Variants in LRP1B observed in about 807,000 individuals in gnomAD.
LRP1B encodes LDL receptor related protein 1B.
In LRP1B, 217 loss-of-function variants were observed where a neutral mutation model predicts 556.6. That is an observed-to-expected ratio of 0.39 (90% CI 0.35 to 0.44). The LOEUF is 0.44. Among genes scored for constraint, LRP1B ranks in the 20% least tolerant of loss-of-function variants. The pLI, the probability that LRP1B is intolerant of heterozygous loss-of-function variation, is 1.00. For synonymous variants in LRP1B, 2,047 were observed against 1,865.8 expected, an observed-to-expected ratio of 1.10 and a Z score of -2.50; for missense variants, 5,053 against 5,620.8, an observed-to-expected ratio of 0.90 and a Z score of 3.23.
rs367648343 is a variant in LRP1B at position 141,073,749 on chromosome 2, C to T, written c.1014-11476G>A. The stretch of plus-strand genomic sequence containing the variant: ...CTTCCTTCTATCCAATGGTTTATTC[C>T]AGAAACGAAGGCATTCATCCTTCAT... On this transcript the variant is annotated intron_variant, in intron 7 of 90. Coordinates refer to ENST00000389484, the MANE Select transcript of LRP1B (RefSeq NM_018557.3). 1.7e-4 allele frequency among the ~76,000 whole-genome samples: 26 copies of T among 152,110 alleles called. No individual in the cohort carries two copies. The South Asian group carries it at 4.8e-3, about 28-fold the overall frequency.
At chr2:140,313,263 T>C (rs879107917) in intron 83 of LRP1B, among the ~76,000 whole-genome samples, 1 of 152,078 alleles carries the variant, frequency 6.6e-6, no homozygotes, top group Admixed American at 6.6e-5. Context: ...TGAGAACTAA[T>C]TTATATTATT....
rs1361849006 is a variant in LRP1B at position 140,605,685 on chromosome 2, CT to C, written c.6800-4047del. 2.0e-5 allele frequency among the ~76,000 whole-genome samples: 3 copies of C among 151,686 alleles called. No homozygotes were observed. The East Asian group carries it at 5.8e-4, about 29-fold the overall frequency. Reference sequence around the variant, plus strand: ...GTTTCTTTCCTCCCTCCCTCCCTCCCTTTTTTCTTTCTTCCTTTTTTTGAGA... The same window carrying C: ...GTTTCTTTCCTCCCTCCCTCCCTCCCTTTTTCTTTCTTCCTTTTTTTGAGA... On this transcript the variant is annotated intron_variant, in intron 41 of 90. Transcript: ENST00000389484.
chr2:140,304,455 T>G (rs960759180), intron 83 of LRP1B, among the ~76,000 whole-genome samples: 1 of 152,224 alleles, frequency 6.6e-6, no homozygotes, highest in Non-Finnish European at 1.5e-5. Context: ...CATAAATGTC[T>G]TCTTTTGAGA....
chr2:140,332,066 TAATA>T (rs927354415), intron 79 of LRP1B, among the ~76,000 whole-genome samples: 12 of 152,046 alleles, frequency 7.9e-5, no homozygotes, highest in African/African-American at 2.2e-4. Context: ...GTCTCACAGC[TAATA>T]AATAATCCCT....
At chr2:141,094,049 C>T (rs556270879) in intron 7 of LRP1B, among the ~76,000 whole-genome samples, 15 of 151,904 alleles carry the variant, frequency 9.9e-5, no homozygotes, top group East Asian at 1.9e-4. Flanking sequence ...AGTTTCATTA[C>T]GATATATTTC....
At chr2:141,800,099 G>A (rs985886828) in intron 2 of LRP1B, among the ~76,000 whole-genome samples, 1 of 152,072 alleles carries the variant, frequency 6.6e-6, no homozygotes, top group Non-Finnish European at 1.5e-5. Flanking sequence ...CACAGGCCCT[G>A]TCATATAGTA....
At chr2:141,455,961 G>T (rs1262693915) in intron 3 of LRP1B, among the ~76,000 whole-genome samples, 1 of 152,196 alleles carries the variant, frequency 6.6e-6, no homozygotes, top group Non-Finnish European at 1.5e-5. Flanking sequence ...TGTGATAAGT[G>T]AGAAAATCAA....
At chr2:140,489,327 C>T (rs1409408202) in intron 57 of LRP1B, among the ~76,000 whole-genome samples, 3 of 151,926 alleles carry the variant, frequency 2.0e-5, no homozygotes, top group Non-Finnish European at 2.9e-5. Context: ...AGACACAAGG[C>T]AATAATATAG....
intron 1 of LRP1B, among the ~76,000 whole-genome samples, chr2:141,897,002 A>G (rs1238094061): frequency 6.6e-6 from 1 of 152,098 alleles, no homozygotes; most frequent in Non-Finnish European, 1.5e-5. Context: ...CGGCTTCCAG[A>G]TCCAAGCTAT....
chr2:141,068,100 C>A (rs562599006), intron 7 of LRP1B, among the ~76,000 whole-genome samples: 4 of 151,952 alleles, frequency 2.6e-5, no homozygotes, highest in Non-Finnish European at 5.9e-5. Context: ...AATGCCATGA[C>A]TAACCGCCCA....
chr2:140,815,070 C>G (rs1691064504), intron 31 of LRP1B, among the ~76,000 whole-genome samples: 1 of 151,548 alleles, frequency 6.6e-6, no homozygotes, highest in Non-Finnish European at 1.5e-5. Context: ...TACTCAAGCA[C>G]ACAATGCAAC....
intron 3 of LRP1B, among the ~76,000 whole-genome samples, chr2:141,445,316 CT>C (rs1681146074): frequency 6.6e-6 from 1 of 152,110 alleles, no homozygotes; most frequent in African/African-American, 2.4e-5. Flanking sequence ...ATTCTTCTCT[CT>C]TTTCTTCTTT....
intron 7 of LRP1B, among the ~76,000 whole-genome samples, chr2:141,084,714 A>G (rs892821402): frequency 1.4e-5 from 2 of 148,138 alleles, no homozygotes; most frequent in Admixed American, 6.8e-5. Flanking sequence ...CAGTGGTGCG[A>G]TCTCGGCTCA....
chr2:141,996,717 C>CT (rs939418641), intron 1 of LRP1B, among the ~76,000 whole-genome samples: 23 of 148,710 alleles, frequency 1.5e-4, no homozygotes, highest in Admixed American at 1.3e-3. Context: ...TTTCTTTCCC[C>CT]CCCCCTACAA....
At chr2:140,614,641 T>G (rs1264558792) in intron 41 of LRP1B, among the ~76,000 whole-genome samples, 3 of 152,132 alleles carry the variant, frequency 2.0e-5, no homozygotes, top group African/African-American at 7.2e-5. Context: ...AGTTATAAGC[T>G]GATGGCTGGA....
At chr2:141,557,215 A>T (rs1286170606) in intron 2 of LRP1B, among the ~76,000 whole-genome samples, 1 of 151,888 alleles carries the variant, frequency 6.6e-6, no homozygotes, top group African/African-American at 2.4e-5. Context: ...AAACAAAAAA[A>T]CTCTACCACA....
Position 141,855,334 on chromosome 2 carries a change from G to A in LRP1B, c.83-44933C>T, listed in dbSNP as rs555884812. Among the ~76,000 whole-genome samples, 5 of 152,166 alleles carry A rather than the reference G, an allele frequency of 3.3e-5. 1 individual carries two copies. The highest frequency in any genetic ancestry group is 1.2e-4 in the African/African-American group (5 of 41,540). On this transcript the variant is annotated intron_variant, in intron 1 of 90. Coordinates refer to ENST00000389484, the MANE Select transcript of LRP1B (RefSeq NM_018557.3). The stretch of plus-strand genomic sequence containing the variant: ...AGCCCCTTAACGGGATAAGACATTC[G>A]AATTAAGAAAATGAAATTGAAGAGG...
At chr2:141,447,739 A>G (rs528849317) in intron 3 of LRP1B, among the ~76,000 whole-genome samples, 373 of 152,288 alleles carry the variant, frequency 2.4e-3, no homozygotes, top group African/African-American at 8.1e-3. Flanking sequence ...TATCACCAGC[A>G]GAGGCTACAG....
At chr2:140,699,913 A>G (rs1686570135) in intron 41 of LRP1B, among the ~76,000 whole-genome samples, 3 of 135,238 alleles carry the variant, frequency 2.2e-5, no homozygotes, top group African/African-American at 9.3e-5. Flanking sequence ...CAATTTGCCC[A>G]CTGGAAAAAA....
Sources: allele counts gnomAD v4.1 joint callset (sites outside exome capture counted in the v4.1 genomes callset), GRCh38; gene constraint gnomAD v4.1.1; transcripts MANE v1.5; gene names NCBI Gene and HGNC (gene_info 2026-07-23, HGNC 2026-07-21).